SPATS2L: variants seen among roughly 807,000 people sequenced by gnomAD.
SPATS2L encodes the protein spermatogenesis associated serine rich 2 like.
Under a neutral mutation model 59.6 loss-of-function variants are expected in SPATS2L, and 30 were observed. That is an observed-to-expected ratio of 0.50 (90% CI 0.38 to 0.68). The LOEUF is 0.68. SPATS2L is among the 30% of genes least tolerant of loss of function. SPATS2L has a pLI of 0.00. For missense variants in SPATS2L, 615 were observed against 700.0 expected (o/e 0.88, Z 1.37); for synonymous variants, 252 against 263.5 (o/e 0.96, Z 0.42).
At chr2:200,451,295 C>T (rs1231177965) in intron 8 of SPATS2L, among the ~76,000 whole-genome samples, 1 of 151,816 alleles carries the variant, frequency 6.6e-6, no homozygotes, top group Non-Finnish European at 1.5e-5. Flanking sequence ...CCGCTGCACC[C>T]CAACCTGGGC....
At position 200,478,603 on chromosome 2, in the gene SPATS2L, TTAGAGAC is replaced by T. The variant is rs1199755080; in HGVS notation, c.*578_*584del. ...CTGTTTAGTGCTTTCAAAAAAAACTTTAGAGACTAGAGGTTGTGGTGCAAAGCTGTGT... is the reference window on the plus strand; with the variant it reads ...CTGTTTAGTGCTTTCAAAAAAAACTTTAGAGGTTGTGGTGCAAAGCTGTGT... On this transcript the variant is annotated 3_prime_UTR_variant, in exon 13 of 13. Coordinates refer to ENST00000409140, the MANE Select transcript of SPATS2L (RefSeq NM_001100423.2). 3.3e-5 allele frequency: 5 copies of T among 152,632 alleles called. No homozygotes were observed. Among genetic ancestry groups the T allele is most frequent in the African/African-American group, 9.7e-5 (4 of 41,440 alleles). 9.5% of individuals were successfully genotyped at this position (152,632 alleles called of 1,614,324 possible). A position where few individuals can be genotyped will look rare whatever the true frequency, so the allele number is the denominator to read the frequency against.
intron 6 of SPATS2L, among the ~76,000 whole-genome samples, chr2:200,438,487 A>G (rs1176248331): frequency 6.6e-6 from 1 of 152,232 alleles, no homozygotes; most frequent in Admixed American, 6.5e-5. Context: ...ACATCCTGCT[A>G]ATTGATTGCC....
In SPATS2L at chr2:200,445,424, G is replaced by A. The variant is rs117895488; in HGVS notation, c.788+4640G>A. Among the ~76,000 whole-genome samples the A allele has an allele frequency of 1.4e-4, 22 of 152,302 alleles. No individual in the cohort carries two copies. In the East Asian group the frequency reaches 4.2e-3, roughly 29 times the overall value. Reference sequence around the variant, plus strand: ...CAAATCCTTCTCATCTGCTACTGAAGCCCTGTTGATAGCCAAGGAAAATCA... The same window carrying A: ...CAAATCCTTCTCATCTGCTACTGAAACCCTGTTGATAGCCAAGGAAAATCA... On this transcript the variant is annotated intron_variant, in intron 8 of 12. Coordinates refer to ENST00000409140, the MANE Select transcript of SPATS2L (RefSeq NM_001100423.2).
At chr2:200,473,925 G>T (rs545792978) in intron 12 of SPATS2L, among the ~76,000 whole-genome samples, 1 of 151,986 alleles carries the variant, frequency 6.6e-6, no homozygotes, top group Non-Finnish European at 1.5e-5. Context: ...GCTTGAACCC[G>T]GGAGGCGGAG....
chr2:200,475,095 T>C (rs2087411120), intron 12 of SPATS2L, among the ~76,000 whole-genome samples: 1 of 152,110 alleles, frequency 6.6e-6, no homozygotes, highest in Admixed American at 6.5e-5. Context: ...ACCCATCCGC[T>C]GGAAGGGTGG....
intron 3 of SPATS2L, among the ~76,000 whole-genome samples, chr2:200,404,831 C>G (rs1218894679): frequency 1.3e-5 from 2 of 152,144 alleles, no homozygotes; most frequent in African/African-American, 2.4e-5. Context: ...AAGCTGCCTG[C>G]ATTCCTTGGT....
chr2:200,440,010 G>A (rs1243938490), intron 7 of SPATS2L, among the ~76,000 whole-genome samples: 1 of 152,114 alleles, frequency 6.6e-6, no homozygotes, highest in African/African-American at 2.4e-5. Flanking sequence ...TTTCTTGAGG[G>A]GGATTTCTTT....
At chr2:200,444,455 A>G (rs568456025) in intron 8 of SPATS2L, among the ~76,000 whole-genome samples, 1 of 152,318 alleles carries the variant, frequency 6.6e-6, no homozygotes, top group South Asian at 2.1e-4. Flanking sequence ...CACCCTAAGA[A>G]AATGGAAGAC....
At chr2:200,368,743 G>T (rs955010950) in intron 2 of SPATS2L, among the ~76,000 whole-genome samples, 73 of 152,116 alleles carry the variant, frequency 4.8e-4, no homozygotes, top group Non-Finnish European at 9.1e-4. Flanking sequence ...AGAAGATATA[G>T]TTCTATAGCC....
At chr2:200,454,186 A>G (rs1019593224) in intron 8 of SPATS2L, among the ~76,000 whole-genome samples, 5 of 152,196 alleles carry the variant, frequency 3.3e-5, no homozygotes, top group African/African-American at 9.6e-5. Flanking sequence ...AATCTTTAAC[A>G]TCTAACTCTG....
chr2:200,347,762 T>C (rs954978955), intron 2 of SPATS2L, among the ~76,000 whole-genome samples: 4 of 152,194 alleles, frequency 2.6e-5, no homozygotes, highest in Non-Finnish European at 4.4e-5. Flanking sequence ...TCTGAGTTAT[T>C]AGTCTCTGAT....
intron 3 of SPATS2L, among the ~76,000 whole-genome samples, chr2:200,398,508 T>C (rs2082423256): frequency 6.6e-6 from 1 of 152,224 alleles, no homozygotes; most frequent in Non-Finnish European, 1.5e-5. Context: ...TGAACAATGA[T>C]TCAGTAATCT....
chr2:200,361,933 T>C (rs897039676), intron 2 of SPATS2L, among the ~76,000 whole-genome samples: 8 of 152,162 alleles, frequency 5.3e-5, no homozygotes, highest in Non-Finnish European at 1.0e-4. Flanking sequence ...TATTGAAACC[T>C]TCTTAACCCA....
rs1321629970 is a variant in SPATS2L, at chr2:200,478,316, A to G, written c.*285A>G. 1 of 260,758 alleles carries G rather than the reference A, an allele frequency of 3.8e-6. No individual in the cohort carries two copies. Among genetic ancestry groups the G allele is most frequent in the Non-Finnish European group, 7.2e-6 (1 of 139,500 alleles). The allele number at this position is 260,758 out of a possible 1,614,324, so 16.2% of individuals were successfully genotyped here. A position where few individuals can be genotyped will look rare whatever the true frequency, so the allele number is the denominator to read the frequency against. On this transcript the variant is annotated 3_prime_UTR_variant, in exon 13 of 13. Coordinates refer to ENST00000409140, the MANE Select transcript of SPATS2L (RefSeq NM_001100423.2). ...AAATCAAGATGTGGCTGAAGATCAG[A>G]GGCTCAGTTAGCAACCTGTGTTGTA...
chr2:200,471,661 C>T (rs1323374422), intron 11 of SPATS2L, among the ~76,000 whole-genome samples: 1 of 152,140 alleles, frequency 6.6e-6, no homozygotes, highest in African/African-American at 2.4e-5. Flanking sequence ...CCCCATGAAA[C>T]TGAATCTGGT....
chr2:200,382,768 C>T (rs842828), intron 2 of SPATS2L, among the ~76,000 whole-genome samples: 23,192 of 151,864 alleles, frequency 0.15, 2,622 homozygotes, highest in African/African-American at 0.32. Context: ...AGGGTTGTGA[C>T]GGTAAAATGA....
At chr2:200,428,173 C>G (rs1574490954) in intron 6 of SPATS2L, among the ~76,000 whole-genome samples, 1 of 152,192 alleles carries the variant, frequency 6.6e-6, no homozygotes, top group African/African-American at 2.4e-5. Context: ...TCTTCACCTC[C>G]CTCTCACTCA....
intron 4 of SPATS2L, 30 bp downstream of exon 4, chr2:200,412,449 A>T: frequency 2.3e-6 from 3 of 1,279,296 alleles, no homozygotes; most frequent in Non-Finnish European, 2.2e-6. Flanking sequence ...GCAGCTGAAG[A>T]TGTTAGACTT....
intron 2 of SPATS2L, among the ~76,000 whole-genome samples, chr2:200,343,919 A>G (rs2080417032): frequency 6.6e-6 from 1 of 152,088 alleles, no homozygotes; most frequent in Non-Finnish European, 1.5e-5. Context: ...TAAGAGTTTT[A>G]AAAGTTGTTC....
Sources: allele counts gnomAD v4.1 joint callset (sites outside exome capture counted in the v4.1 genomes callset), GRCh38; gene constraint gnomAD v4.1.1; transcripts MANE v1.5; gene names NCBI Gene and HGNC (gene_info 2026-07-23, HGNC 2026-07-21).